The following PAX9 variants were observed in gnomAD, a reference collection of about 807,000 sequenced individuals.
The protein encoded by PAX9 is paired box 9.
PAX9 carries 6 observed loss-of-function variants against 29.1 expected under a neutral mutation model. That is an observed-to-expected ratio of 0.21 (90% CI 0.11 to 0.41). The LOEUF (loss-of-function observed/expected upper bound fraction) is 0.41, where lower values mean the gene tolerates loss of function less well. PAX9 is among the 10% of genes least tolerant of loss of function. PAX9 has a pLI of 1.00. For missense variants in PAX9, 443 were observed against 479.1 expected, an observed-to-expected ratio of 0.92 and a Z score of 0.70; for synonymous variants, 217 against 211.7, an observed-to-expected ratio of 1.03 and a Z score of -0.22.
chr14:36,672,852 C>CTTTTCTTTTT (rs1881740279), intron 3 of PAX9, among the ~76,000 whole-genome samples: 1 of 19,146 alleles, frequency 5.2e-5, no homozygotes. Context: ...TTCTTTCTTC[C>CTTTTCTTTTT]TTTTTTTTTT....
intron 3 of PAX9, chr14:36,671,256 G>T (rs1881683431): frequency 4.7e-6 from 1 of 211,266 alleles, no homozygotes; most frequent in Non-Finnish European, 9.8e-6. Context: ...ATAATGTTGA[G>T]TAGACAATTC....
intron 1 of PAX9, chr14:36,662,541 C>T: frequency 2.4e-6 from 1 of 412,542 alleles, no homozygotes; most frequent in Middle Eastern, 6.3e-4. Flanking sequence ...AGAGAGGGAG[C>T]GGCTCAAGGA....
chr14:36,663,843 A>G, intron 2 of PAX9, among the ~76,000 whole-genome samples: 1 of 152,040 alleles, frequency 6.6e-6, no homozygotes, highest in African/African-American at 2.4e-5. Flanking sequence ...CGGCTTGCTC[A>G]CTTGGAGAGT....
intron 1 of PAX9, chr14:36,662,592 C>T (rs1008668870): frequency 4.0e-6 from 2 of 503,604 alleles, no homozygotes; most frequent in East Asian, 3.4e-5. Context: ...GTTCAGGCGT[C>T]AAGACCGATT....
chr14:36,663,558 G>T (rs753475574), intron 2 of PAX9, 35 bp downstream of exon 2: 3 of 1,611,672 alleles, frequency 1.9e-6, no homozygotes, highest in African/African-American at 2.7e-5. Context: ...TGGATGTGCA[G>T]CGTCTGCCCC....
intron 3 of PAX9, among the ~76,000 whole-genome samples, chr14:36,672,542 G>A (rs1467738081): frequency 6.6e-6 from 1 of 152,126 alleles, no homozygotes; most frequent in Non-Finnish European, 1.5e-5. Context: ...AAAATTAATA[G>A]TGAGAAAATT....
Position 36,676,608 on chromosome 14 carries a change from T to TA in PAX9, c.*157dup, listed in dbSNP as rs1486574146. The TA allele has an allele frequency of 4.9e-6, 4 of 815,308 alleles. No homozygotes were observed. The African/African-American group carries it at 6.8e-5, about 14-fold the overall frequency. The allele number at this position is 815,308 out of a possible 1,614,324, so 50.5% of individuals were successfully genotyped here. The stretch of plus-strand genomic sequence containing the variant: ...TCACATCCTTTGTGCTAATGACACT[T>TA]ACATATTTCTTGCCATAACTTTTCT... On this transcript the variant is annotated 3_prime_UTR_variant, in exon 4 of 4. Coordinates refer to ENST00000361487, the MANE Select transcript of PAX9 (RefSeq NM_001372076.1).
rs1881341506 is a variant in PAX9, at chr14:36,663,024, C to T, written c.132C>T (p.Arg44=). ...QLGIRPCDIS[R]QLRVSHGCVS... ...GCATCCGACCGTGTGACATCAGCCG[C>T]CAGCTACGGGTCTCGCACGGCTGCG... Residue 44 remains arginine (R), a synonymous_variant, in exon 2 of 4, where the codon CGC becomes CGT. Transcript: ENST00000361487. 1.9e-6 allele frequency: 3 copies of T among 1,613,856 alleles called. No individual in the cohort carries two copies. Among genetic ancestry groups the T allele is most frequent in the Non-Finnish European group, 2.5e-6 (3 of 1,180,042 alleles).
At chr14:36,672,852 C>CGTTTTTTTTTTTTTTT (rs1881740080) in intron 3 of PAX9, among the ~76,000 whole-genome samples, 1 of 19,146 alleles carries the variant, frequency 5.2e-5, no homozygotes, top group African/African-American at 1.8e-4. Flanking sequence ...TTCTTTCTTC[C>CGTTTTTTTTTTTTTTT]TTTTTTTTTT....
upstream of PAX9, among the ~76,000 whole-genome samples, chr14:36,661,177 C>T (rs1249087055): frequency 6.6e-6 from 1 of 152,244 alleles, no homozygotes; most frequent in Non-Finnish European, 1.5e-5. Context: ...TCCCCGCACA[C>T]GGCGTGGCCC....
intron 3 of PAX9, among the ~76,000 whole-genome samples, chr14:36,668,482 G>C (rs1298005022): frequency 6.6e-6 from 1 of 152,254 alleles, no homozygotes; most frequent in South Asian, 2.1e-4. Flanking sequence ...TCTGCCTCCC[G>C]GGTTCAAGCG....
At chr14:36,673,290 T>A (rs1382369572) in intron 3 of PAX9, among the ~76,000 whole-genome samples, 1 of 152,176 alleles carries the variant, frequency 6.6e-6, no homozygotes, top group Non-Finnish European at 1.5e-5. Flanking sequence ...AAGAGAACTT[T>A]GAAATATTTA....
chr14:36,668,638 C>G (rs567657427), intron 3 of PAX9, among the ~76,000 whole-genome samples: 7 of 152,244 alleles, frequency 4.6e-5, no homozygotes, highest in African/African-American at 1.4e-4. Flanking sequence ...CCACCCACCT[C>G]GGCCTCCCAA....
upstream of PAX9, among the ~76,000 whole-genome samples, chr14:36,659,437 G>A (rs545594331): frequency 7.2e-5 from 11 of 152,304 alleles, no homozygotes; most frequent in Non-Finnish European, 1.5e-4. Flanking sequence ...TCTTCTGCTG[G>A]GATCCCGCTG....
rs1881990561 is a variant in PAX9, at chr14:36,678,093, T to TGGATGTTGAA, written c.*1643_*1652dup. ...AACTAAAAGAGCACCTCACTGGATA[T>TGGATGTTGAA]GGATGTTGAAGATGGATTCCCTAGG... is the stretch of plus-strand genomic sequence containing the variant. On this transcript the variant is annotated 3_prime_UTR_variant, in exon 4 of 4. Transcript: ENST00000361487. 1 of 187,224 alleles carries TGGATGTTGAA rather than the reference T, an allele frequency of 5.3e-6. No homozygotes were observed. Among genetic ancestry groups the TGGATGTTGAA allele is most frequent in the Admixed American group, 5.8e-5 (1 of 17,188 alleles). 11.6% of individuals were successfully genotyped at this position (187,224 alleles called of 1,614,324 possible).
intron 3 of PAX9, among the ~76,000 whole-genome samples, chr14:36,675,466 A>T (rs908362250): frequency 2.0e-5 from 3 of 152,232 alleles, no homozygotes; most frequent in Non-Finnish European, 4.4e-5. Context: ...CTCACATCAC[A>T]GGACCCAAAA....
Position 36,678,761 on chromosome 14 carries a change from G to A in PAX9, c.*2309G>A. On this transcript the variant is annotated 3_prime_UTR_variant, in exon 4 of 4. Transcript: ENST00000361487. ...TATTTATAATTTTTTTCTGGTTCTTGTATTTTAAAAAATCTAATATTAATG... is the reference window on the plus strand; with the variant it reads ...TATTTATAATTTTTTTCTGGTTCTTATATTTTAAAAAATCTAATATTAATG... The A allele has an allele frequency of 9.1e-7, 1 of 1,102,462 alleles. No homozygotes were observed. The highest frequency in any genetic ancestry group is 1.1e-6 in the Non-Finnish European group (1 of 898,434). 68.3% of individuals were successfully genotyped at this position (1,102,462 alleles called of 1,614,324 possible).
In PAX9 at chr14:36,662,082, T is replaced by A; in HGVS notation, c.-8T>A. The A allele has an allele frequency of 7.0e-7, 1 of 1,428,542 alleles. No individual in the cohort carries two copies. Among genetic ancestry groups the A allele is most frequent in the South Asian group, 1.2e-5 (1 of 82,924 alleles). The allele number at this position is 1,428,542 out of a possible 1,614,324, so 88.5% of individuals were successfully genotyped here. A position where few individuals can be genotyped will look rare whatever the true frequency, so the allele number is the denominator to read the frequency against. Reference sequence around the variant, plus strand: ...AACTGGGGCCGGGTTGGTGTACTGCTCGGAGCAATGGGTGAGTGGCGGCGG... The same window carrying A: ...AACTGGGGCCGGGTTGGTGTACTGCACGGAGCAATGGGTGAGTGGCGGCGG... On this transcript the variant is annotated 5_prime_UTR_variant, in exon 1 of 4. Transcript: ENST00000361487.
At chr14:36,659,182 T>C (rs115784867), upstream of PAX9, among the ~76,000 whole-genome samples, 1,003 of 152,368 alleles carry the variant, frequency 6.6e-3, 12 homozygotes, top group African/African-American at 0.022. Flanking sequence ...CCGATCTCTT[T>C]GAGATCTTCT....
Sources: allele counts gnomAD v4.1 joint callset (sites outside exome capture counted in the v4.1 genomes callset), GRCh38; gene constraint gnomAD v4.1.1; transcripts MANE v1.5; gene names NCBI Gene and HGNC (gene_info 2026-07-23, HGNC 2026-07-21).